Variants in EPM2A observed in about 807,000 individuals in gnomAD.
EPM2A encodes EPM2A glucan phosphatase, laforin.
EPM2A carries 21 observed loss-of-function variants against 26.5 expected under a neutral mutation model. The ratio of observed to expected loss-of-function variants is 0.79; its 90% CI spans 0.56 to 1.14. The LOEUF (loss-of-function observed/expected upper bound fraction) is 1.14. Ranked by LOEUF, EPM2A falls within the 50% of genes most tolerant of loss-of-function variation. The pLI is 0.00. For missense variants in EPM2A, 458 were observed against 440.8 expected (o/e 1.04, Z -0.35); for synonymous variants, 217 against 177.6 (o/e 1.22, Z -1.76).
intron 4 of EPM2A, among the ~76,000 whole-genome samples, chr6:145,404,417 T>C (rs918632891): frequency 2.0e-5 from 3 of 151,468 alleles, no homozygotes; most frequent in African/African-American, 7.3e-5. Flanking sequence ...ATGTAAATTG[T>C]TTTTTTAAAT....
intron 2 of EPM2A, among the ~76,000 whole-genome samples, chr6:145,505,349 A>G (rs892456535): frequency 2.0e-5 from 3 of 151,998 alleles, no homozygotes; most frequent in Admixed American, 1.3e-4. Flanking sequence ...AACAGTTAAC[A>G]TTTTCATATA....
At chr6:145,727,293 G>C (rs993887099) in intron 1 of EPM2A, among the ~76,000 whole-genome samples, 1 of 152,072 alleles carries the variant, frequency 6.6e-6, no homozygotes, top group Admixed American at 6.6e-5. Context: ...AAAAGAAAAA[G>C]ATGCACAAGA....
chr6:145,692,636 T>C (rs573943956), intron 1 of EPM2A, among the ~76,000 whole-genome samples: 2 of 152,238 alleles, frequency 1.3e-5, no homozygotes, highest in East Asian at 1.9e-4. Context: ...CTTCTGCATA[T>C]GGCTAGCCAG....
At chr6:145,661,093 T>C (rs1778673299) in intron 2 of EPM2A, among the ~76,000 whole-genome samples, 1 of 151,788 alleles carries the variant, frequency 6.6e-6, no homozygotes, top group South Asian at 2.1e-4. Flanking sequence ...CGGGTGCGGG[T>C]CCGAGAAAGA....
intron 1 of EPM2A, among the ~76,000 whole-genome samples, chr6:145,718,737 T>C (rs1259436353): frequency 1.3e-5 from 2 of 152,168 alleles, no homozygotes; most frequent in Admixed American, 6.5e-5. Context: ...AAAGGGCTAA[T>C]ATCCAGAATC....
At chr6:145,536,028 G>A (rs1266414385) in intron 2 of EPM2A, among the ~76,000 whole-genome samples, 2 of 152,182 alleles carry the variant, frequency 1.3e-5, no homozygotes, top group Non-Finnish European at 2.9e-5. Context: ...AGTCAGTAAT[G>A]TTTTGATGTT....
At chr6:145,519,501 A>G (rs1378064841) in intron 2 of EPM2A, among the ~76,000 whole-genome samples, 1 of 152,180 alleles carries the variant, frequency 6.6e-6, no homozygotes, top group African/African-American at 2.4e-5. Context: ...ACCAATTTTC[A>G]GTAAAAATCA....
chr6:145,522,602 A>C (rs1780217235), intron 2 of EPM2A, among the ~76,000 whole-genome samples: 1 of 152,102 alleles, frequency 6.6e-6, no homozygotes, highest in African/African-American at 2.4e-5. Context: ...ATATCCTCAC[A>C]ATCTTGAAAT....
chr6:145,428,307 G>A (rs1778878214), intron 4 of EPM2A, among the ~76,000 whole-genome samples: 1 of 151,704 alleles, frequency 6.6e-6, no homozygotes, highest in African/African-American at 2.4e-5. Flanking sequence ...TTATATTTTT[G>A]TGATTTTTGA....
chr6:145,715,437 T>TGGTAGGA (rs1775562434), intron 1 of EPM2A, among the ~76,000 whole-genome samples: 1 of 152,072 alleles, frequency 6.6e-6, no homozygotes, highest in Admixed American at 6.6e-5. Flanking sequence ...ACAGGGGCCC[T>TGGTAGGA]GGTAGGAAGT....
chr6:145,716,317 G>A (rs969926631), intron 1 of EPM2A, among the ~76,000 whole-genome samples: 3 of 152,122 alleles, frequency 2.0e-5, no homozygotes, highest in African/African-American at 7.2e-5. Flanking sequence ...TCAGCAAGCT[G>A]TTATAAAAAA....
At chr6:145,586,581 G>A (rs1781198621) in intron 2 of EPM2A, among the ~76,000 whole-genome samples, 1 of 152,068 alleles carries the variant, frequency 6.6e-6, no homozygotes, top group South Asian at 2.1e-4. Context: ...TCATTAAAAT[G>A]AAAGAAAAGA....
intron 4 of EPM2A, among the ~76,000 whole-genome samples, chr6:145,473,814 AAAATATTCTTCAAACATGAAGGAG>A (rs1779506588): frequency 6.6e-6 from 1 of 152,196 alleles, no homozygotes; most frequent in Non-Finnish European, 1.5e-5. Context: ...ATAACTGGTG[AAAATATTCTTCAAACATGAAGGAG>A]AAATAAAGAC....
downstream of EPM2A, among the ~76,000 whole-genome samples, chr6:145,624,947 C>T (rs1775716723): frequency 6.6e-6 from 1 of 152,196 alleles, no homozygotes; most frequent in South Asian, 2.1e-4. Context: ...TGAAAGAAAA[C>T]CACCTCATTC....
intron 2 of EPM2A, among the ~76,000 whole-genome samples, chr6:145,539,508 C>T (rs1399016070): frequency 6.6e-6 from 1 of 152,130 alleles, no homozygotes; most frequent in African/African-American, 2.4e-5. Flanking sequence ...TTGTTGGTTG[C>T]ACTGGAGAGG....
intron 4 of EPM2A, among the ~76,000 whole-genome samples, chr6:145,416,838 G>T (rs980002378): frequency 1.3e-5 from 2 of 151,700 alleles, no homozygotes; most frequent in Non-Finnish European, 2.9e-5. Flanking sequence ...ATGTTTAGGG[G>T]GTCGTAGGAA....
At chr6:145,621,020 G>C (rs1237675992), downstream of EPM2A, among the ~76,000 whole-genome samples, 1 of 152,118 alleles carries the variant, frequency 6.6e-6, no homozygotes, top group Non-Finnish European at 1.5e-5. Flanking sequence ...TCATCATCAT[G>C]TTGTAATTAA....
chr6:145,590,670 G>GAACAAGGAC (rs1301196957), intron 2 of EPM2A, among the ~76,000 whole-genome samples: 1 of 152,052 alleles, frequency 6.6e-6, no homozygotes, highest in East Asian at 1.9e-4. Context: ...GGAGAGACCA[G>GAACAAGGAC]AACAAGGACA....
At chr6:145,475,621 A>G (rs1779532968) in intron 4 of EPM2A, among the ~76,000 whole-genome samples, 1 of 152,100 alleles carries the variant, frequency 6.6e-6, no homozygotes, top group South Asian at 2.1e-4. Context: ...ATTAAAAAAA[A>G]AAATTTAAAA....
Sources: allele counts gnomAD v4.1 joint callset (sites outside exome capture counted in the v4.1 genomes callset), GRCh38; gene constraint gnomAD v4.1.1; transcripts MANE v1.5; gene names NCBI Gene and HGNC (gene_info 2026-07-23, HGNC 2026-07-21).